The following ARHGAP12 variants were observed in gnomAD, a reference collection of about 807,000 sequenced individuals.
ARHGAP12 encodes the protein rho GTPase-activating protein 12.
In ARHGAP12, 64 loss-of-function variants were observed where a neutral mutation model predicts 108.6. That is an observed-to-expected ratio of 0.59 (90% CI 0.48 to 0.73). ARHGAP12 has a LOEUF of 0.73. Among genes scored for constraint, ARHGAP12 ranks in the 30% least tolerant of loss-of-function variants. The pLI is 0.00. For missense variants in ARHGAP12, 940 were observed against 1,005.9 expected, an observed-to-expected ratio of 0.93 and a Z score of 0.89; for synonymous variants, 312 against 337.2, an observed-to-expected ratio of 0.93 and a Z score of 0.82.
intron 9 of ARHGAP12, among the ~76,000 whole-genome samples, chr10:31,833,053 T>A (rs1374784977): frequency 6.7e-6 from 1 of 149,876 alleles, no homozygotes; most frequent in Non-Finnish European, 1.5e-5. Context: ...TGTGTGAGAT[T>A]TTTTTTTTTT....
At chr10:31,922,342 T>C (rs376333165) in intron 1 of ARHGAP12, among the ~76,000 whole-genome samples, 8 of 148,804 alleles carry the variant, frequency 5.4e-5, no homozygotes, top group African/African-American at 1.5e-4. Context: ...AAAAGGAAAA[T>C]AGAAAATATT....
intron 6 of ARHGAP12, 143 bp downstream of exon 6, chr10:31,852,374 A>T: frequency 1.5e-6 from 1 of 688,022 alleles, no homozygotes; most frequent in Non-Finnish European, 2.6e-6. Context: ...TACACTACTC[A>T]CAGTATTCAC....
chr10:31,886,923 C>A (rs1157834994), intron 3 of ARHGAP12, among the ~76,000 whole-genome samples: 2 of 152,164 alleles, frequency 1.3e-5, no homozygotes, highest in Admixed American at 6.6e-5. Flanking sequence ...GATCTTCAGG[C>A]CTTTCTCTTA....
chr10:31,926,801 T>C (rs1169471257), intron 1 of ARHGAP12, among the ~76,000 whole-genome samples: 1 of 152,376 alleles, frequency 6.6e-6, no homozygotes, highest in South Asian at 2.1e-4. Flanking sequence ...AGTAACATGC[T>C]GTTTTTCTAC....
chr10:31,888,056 T>C (rs1335116578), intron 3 of ARHGAP12, among the ~76,000 whole-genome samples: 1 of 152,174 alleles, frequency 6.6e-6, no homozygotes, highest in South Asian at 2.1e-4. Context: ...GGATGCTCTA[T>C]TCCTTGCCAG....
chr10:31,906,562 G>C (rs1289677226), intron 3 of ARHGAP12, among the ~76,000 whole-genome samples: 1 of 152,122 alleles, frequency 6.6e-6, no homozygotes, highest in Non-Finnish European at 1.5e-5. Flanking sequence ...AGGAAGGCAA[G>C]GTTATCTTCT....
At chr10:31,897,025 A>C (rs546509325) in intron 3 of ARHGAP12, among the ~76,000 whole-genome samples, 1 of 152,310 alleles carries the variant, frequency 6.6e-6, no homozygotes, top group East Asian at 1.9e-4. Flanking sequence ...GACTAGGATG[A>C]GAATGACTAA....
chr10:31,827,794 G>GAA (rs1427906161), intron 10 of ARHGAP12, among the ~76,000 whole-genome samples: 7 of 131,654 alleles, frequency 5.3e-5, no homozygotes, highest in African/African-American at 2.1e-4. Context: ...CCGTCACCCA[G>GAA]AAAAAAAAAC....
chr10:31,896,623 G>GA (rs1236889195), intron 3 of ARHGAP12, among the ~76,000 whole-genome samples: 1 of 151,804 alleles, frequency 6.6e-6, no homozygotes, highest in East Asian at 1.9e-4. Flanking sequence ...TTATGAGGGG[G>GA]AAAAAAAGGG....
intron 1 of ARHGAP12, among the ~76,000 whole-genome samples, chr10:31,916,144 C>T (rs1208905508): frequency 1.3e-5 from 2 of 152,114 alleles, no homozygotes; most frequent in African/African-American, 4.8e-5. Context: ...TACCCATCAC[C>T]ACACGCCTCC....
In ARHGAP12 at chr10:31,862,692, G is replaced by A. The variant is rs915807594; in HGVS notation, c.685-1034C>T. On this transcript the variant is annotated intron_variant, in intron 3 of 19. Transcript: ENST00000344936. ...CCTCTAACCACCAGATGACAGTGGC[G>A]CATGCACACACAGACACACACACAC... Among the ~76,000 whole-genome samples the A allele has an allele frequency of 1.6e-4, 22 of 140,894 alleles. No homozygotes were observed. The South Asian group carries it at 2.1e-3, about 13-fold the overall frequency. 92.4% of individuals were successfully genotyped at this position (140,894 alleles called of 152,430 possible).
chr10:31,870,527 C>T (rs1008809846), intron 3 of ARHGAP12, among the ~76,000 whole-genome samples: 2 of 152,016 alleles, frequency 1.3e-5, no homozygotes, highest in African/African-American at 4.8e-5. Context: ...CCGGACCCAG[C>T]CATAATTTTT....
At chr10:31,883,818 C>A (rs1248496079) in intron 3 of ARHGAP12, among the ~76,000 whole-genome samples, 1 of 151,424 alleles carries the variant, frequency 6.6e-6, no homozygotes, top group Admixed American at 6.6e-5. Flanking sequence ...CTCAAGTGAT[C>A]CTCCCAGCTC....
Position 31,908,436 on chromosome 10 carries a change from A to G in ARHGAP12, c.420T>C (p.Tyr140=). ...TTAGGTTGACAGTCTGACCTTGATT[A>G]TAACTGGGTCCAAAATTCTGATTGG... The part of the protein sequence containing the change: ...RDANQNFGPS[Y]NQGQTVNLSL... The change falls in exon 3 of 20, where the codon TAT becomes TAC. Residue 140 remains tyrosine, a synonymous_variant. Transcript: ENST00000344936. 2.5e-6 allele frequency: 4 copies of G among 1,614,230 alleles called. No homozygotes were observed. The highest frequency in any genetic ancestry group is 2.7e-5 in the African/African-American group (2 of 75,070).
At chr10:31,834,704 A>T (rs1034233914) in intron 9 of ARHGAP12, among the ~76,000 whole-genome samples, 1 of 152,228 alleles carries the variant, frequency 6.6e-6, no homozygotes, top group African/African-American at 2.4e-5. Flanking sequence ...CTAGTACTGT[A>T]TCAAGCATGT....
chr10:31,865,532 G>A (rs1271203512), intron 3 of ARHGAP12, among the ~76,000 whole-genome samples: 3 of 152,022 alleles, frequency 2.0e-5, no homozygotes, highest in Admixed American at 1.3e-4. Flanking sequence ...AAGTGGAAAT[G>A]GTAATAGATT....
intron 3 of ARHGAP12, among the ~76,000 whole-genome samples, chr10:31,871,825 G>A (rs1158336633): frequency 1.3e-5 from 2 of 152,138 alleles, no homozygotes; most frequent in Non-Finnish European, 2.9e-5. Flanking sequence ...ATAGGAACCA[G>A]CACATAGAGA....
chr10:31,901,541 A>G (rs1315899350), intron 3 of ARHGAP12, among the ~76,000 whole-genome samples: 5 of 151,328 alleles, frequency 3.3e-5, no homozygotes, highest in Non-Finnish European at 5.9e-5. Flanking sequence ...TCTCAAAAAA[A>G]AAAAAAAAAA....
At chr10:31,830,215 G>A (rs1437924498) in intron 10 of ARHGAP12, among the ~76,000 whole-genome samples, 3 of 152,020 alleles carry the variant, frequency 2.0e-5, no homozygotes, top group Non-Finnish European at 4.4e-5. Context: ...AGAATATTCA[G>A]TAATTTTTAA....
Sources: gnomAD v4.1 joint callset for allele counts (sites outside exome capture counted in the v4.1 genomes callset) on GRCh38, gnomAD v4.1.1 for gene constraint, MANE v1.5 for transcripts, NCBI Gene and HGNC (gene_info 2026-07-23, HGNC 2026-07-21) for gene names.